MYRIP: variants seen among roughly 807,000 people sequenced by gnomAD.
The protein encoded by MYRIP is rab effector MyRIP.
A neutral mutation model predicts 98.0 loss-of-function variants in MYRIP; 49 were observed. The ratio of observed to expected loss-of-function variants is 0.50; its 90% CI spans 0.40 to 0.63. MYRIP has a LOEUF of 0.63. MYRIP is among the 30% of genes least tolerant of loss of function. The probability of loss-of-function intolerance (pLI) is 0.00; values close to 1 mark genes in which losing one functional copy is unlikely to be tolerated. For missense variants in MYRIP, 1,004 were observed against 1,058.2 expected, an observed-to-expected ratio of 0.95 and a Z score of 0.71; for synonymous variants, 404 against 409.5, an observed-to-expected ratio of 0.99 and a Z score of 0.16.
chr3:40,216,620 T>C (rs1252995671), intron 11 of MYRIP, among the ~76,000 whole-genome samples: 1 of 152,212 alleles, frequency 6.6e-6, no homozygotes, highest in Non-Finnish European at 1.5e-5. Flanking sequence ...CCCACTGTTA[T>C]ACTCATTTAG....
intron 11 of MYRIP, among the ~76,000 whole-genome samples, chr3:40,228,191 C>T (rs944679041): frequency 6.6e-6 from 1 of 152,172 alleles, no homozygotes; most frequent in African/African-American, 2.4e-5. Flanking sequence ...CCGCAGCTGT[C>T]CCCTTTTCAC....
intron 2 of MYRIP, among the ~76,000 whole-genome samples, chr3:40,001,000 G>A (rs1348270662): frequency 6.6e-6 from 1 of 152,192 alleles, no homozygotes; most frequent in Non-Finnish European, 1.5e-5. Flanking sequence ...TTCCCAAAGT[G>A]TGACAGTGGA....
chr3:39,891,509 T>A (rs13322140), intron 1 of MYRIP, among the ~76,000 whole-genome samples: 25,431 of 152,096 alleles, frequency 0.17, 4,002 homozygotes, highest in African/African-American at 0.41. Flanking sequence ...AACTATAAAA[T>A]GTGGGGTAGT....
chr3:40,058,957 C>T (rs951879371), intron 3 of MYRIP, among the ~76,000 whole-genome samples: 12 of 150,122 alleles, frequency 8.0e-5, no homozygotes, highest in Admixed American at 4.6e-4. Flanking sequence ...CAACAGGCCC[C>T]GGTGTGTGAT....
intron 4 of MYRIP, among the ~76,000 whole-genome samples, chr3:40,159,950 G>A (rs1011440005): frequency 4.6e-5 from 7 of 152,148 alleles, no homozygotes; most frequent in African/African-American, 1.2e-4. Flanking sequence ...ATGTCCTCCT[G>A]TAGTTCGGAG....
At chr3:39,974,894 G>A (rs570427474) in intron 2 of MYRIP, among the ~76,000 whole-genome samples, 27 of 151,040 alleles carry the variant, frequency 1.8e-4, no homozygotes, top group South Asian at 4.2e-4. Context: ...TGGATGGGAC[G>A]TATCTCAATA....
chr3:40,037,093 T>C (rs945841596), intron 2 of MYRIP, among the ~76,000 whole-genome samples: 1 of 151,910 alleles, frequency 6.6e-6, no homozygotes, highest in Non-Finnish European at 1.5e-5. Context: ...CACAGCATAG[T>C]AGAAAAAAGT....
rs868326464 is a variant in MYRIP at position 40,109,164 on chromosome 3, G to A, written c.333-41884G>A. On this transcript the variant is annotated intron_variant, in intron 3 of 16. Transcript: ENST00000302541. The stretch of plus-strand genomic sequence containing the variant: ...ACTTTAAGTTCTAGGGTACATGTGC[G>A]CTTCCCCATGTGGCCCTTTCTCTTG... Among the ~76,000 whole-genome samples the A allele has an allele frequency of 6.6e-5, 10 of 152,004 alleles. No homozygotes were observed. The South Asian group carries it at 8.3e-4, about 13-fold the overall frequency.
At chr3:40,060,675 T>G (rs536283138) in intron 3 of MYRIP, among the ~76,000 whole-genome samples, 1 of 149,460 alleles carries the variant, frequency 6.7e-6, no homozygotes, top group South Asian at 2.2e-4. Context: ...CACTGCAACC[T>G]CCACCTCCTG....
At chr3:40,078,479 C>G (rs1294390892) in intron 3 of MYRIP, among the ~76,000 whole-genome samples, 2 of 152,240 alleles carry the variant, frequency 1.3e-5, no homozygotes, top group African/African-American at 4.8e-5. Context: ...GCTGTCACCT[C>G]TCACTATTGT....
At chr3:40,171,625 G>T (rs950678284) in intron 8 of MYRIP, among the ~76,000 whole-genome samples, 1 of 152,196 alleles carries the variant, frequency 6.6e-6, no homozygotes, top group Non-Finnish European at 1.5e-5. Context: ...TGCCACTCCT[G>T]GGGTAGGATT....
At chr3:40,030,520 T>G (rs1325063514) in intron 2 of MYRIP, among the ~76,000 whole-genome samples, 2 of 152,144 alleles carry the variant, frequency 1.3e-5, no homozygotes, top group Non-Finnish European at 2.9e-5. Context: ...CACAAAAACA[T>G]GTACATGAAT....
intron 3 of MYRIP, among the ~76,000 whole-genome samples, chr3:40,080,077 C>G (rs979329959): frequency 6.6e-6 from 1 of 152,170 alleles, no homozygotes; most frequent in Non-Finnish European, 1.5e-5. Flanking sequence ...AAGGGAAATA[C>G]TGTTACCATT....
intron 10 of MYRIP, among the ~76,000 whole-genome samples, chr3:40,199,641 T>A (rs191878017): frequency 1.3e-5 from 2 of 152,298 alleles, no homozygotes; most frequent in Non-Finnish European, 2.9e-5. Context: ...TACTCAGAAC[T>A]GTATTGGAAT....
intron 1 of MYRIP, among the ~76,000 whole-genome samples, chr3:39,887,870 C>G (rs1943353465): frequency 6.6e-6 from 1 of 152,084 alleles, no homozygotes; most frequent in South Asian, 2.1e-4. Context: ...CACAAGCATT[C>G]TTCTACACCA....
At chr3:39,961,643 C>T (rs1463274856) in intron 2 of MYRIP, among the ~76,000 whole-genome samples, 1 of 152,002 alleles carries the variant, frequency 6.6e-6, no homozygotes, top group African/African-American at 2.4e-5. Context: ...CTGGAAGACC[C>T]CAGATTTGGA....
In MYRIP at chr3:40,060,595, T is replaced by TGAGAGAGAG. The variant is rs572789849; in HGVS notation, c.332+16324_332+16325insGAGAGAGAG. ...TTAGATTTTCTTTTTTTTTCTTTTT[T>TGAGAGAGAG]TGAGAGAGAGAGAGAGAGAGAGATT... On this transcript the variant is annotated intron_variant, in intron 3 of 16. Coordinates refer to ENST00000302541, the MANE Select transcript of MYRIP (RefSeq NM_015460.4). Among the ~76,000 whole-genome samples, 181 of 80,226 alleles carry TGAGAGAGAG rather than the reference T, an allele frequency of 2.3e-3. 1 individual carries two copies. Among genetic ancestry groups the TGAGAGAGAG allele is most frequent in the African/African-American group, 7.6e-3 (178 of 23,562 alleles). The allele number at this position is 80,226 out of a possible 152,430, so 52.6% of individuals were successfully genotyped here.
intron 2 of MYRIP, among the ~76,000 whole-genome samples, chr3:39,905,512 G>A (rs1943856709): frequency 6.6e-6 from 1 of 152,150 alleles, no homozygotes; most frequent in Non-Finnish European, 1.5e-5. Flanking sequence ...AAACCTCTGA[G>A]TCTTGTTCTG....
intron 2 of MYRIP, among the ~76,000 whole-genome samples, chr3:39,972,840 CT>C (rs1276505746): frequency 1.3e-5 from 2 of 150,664 alleles, no homozygotes; most frequent in Non-Finnish European, 3.0e-5. Flanking sequence ...TGACGGGCTT[CT>C]TCTTTGGACC....
Sources: allele counts gnomAD v4.1 joint callset (sites outside exome capture counted in the v4.1 genomes callset), GRCh38; gene constraint gnomAD v4.1.1; transcripts MANE v1.5; gene names NCBI Gene and HGNC (gene_info 2026-07-23, HGNC 2026-07-21).